Variants in CAAP1 observed in about 807,000 individuals in gnomAD.
CAAP1 encodes caspase activity and apoptosis inhibitor 1.
In CAAP1, 20 loss-of-function variants were observed where a neutral mutation model predicts 34.0. That is an observed-to-expected ratio of 0.59 (90% CI 0.41 to 0.86). The LOEUF (loss-of-function observed/expected upper bound fraction) is 0.86, where lower values mean the gene tolerates loss of function less well. CAAP1 is among the 40% of genes least tolerant of loss of function. The pLI is 0.00. For synonymous variants in CAAP1, 213 were observed against 166.7 expected, an observed-to-expected ratio of 1.28 and a Z score of -2.14; for missense variants, 538 against 450.5, an observed-to-expected ratio of 1.19 and a Z score of -1.76.
intron 4 of CAAP1, among the ~76,000 whole-genome samples, chr9:26,869,091 G>C (rs1823210572): frequency 6.6e-6 from 1 of 151,978 alleles, no homozygotes. Flanking sequence ...AAGCAAATGT[G>C]GAAAACTATA....
intron 5 of CAAP1, 52 bp downstream of exon 5, chr9:26,861,014 G>C: frequency 7.9e-7 from 1 of 1,270,228 alleles, no homozygotes; most frequent in Non-Finnish European, 1.1e-6. Context: ...TTGGTAAAAT[G>C]CTTCTATTCT....
intron 2 of CAAP1, 134 bp from the exon 3 acceptor site, chr9:26,886,322 A>G (rs943402424): frequency 1.9e-5 from 8 of 410,456 alleles, no homozygotes; most frequent in Middle Eastern, 6.5e-4. Context: ...GTAGATTCAC[A>G]TACATCTTTT....
intron 4 of CAAP1, among the ~76,000 whole-genome samples, chr9:26,866,190 T>C (rs986994295): frequency 3.1e-4 from 47 of 152,260 alleles, no homozygotes; most frequent in African/African-American, 7.7e-4. Context: ...TGTTTAAATG[T>C]CTAATAAGAG....
At chr9:26,874,441 CT>C (rs1157626544) in intron 4 of CAAP1, among the ~76,000 whole-genome samples, 2 of 152,006 alleles carry the variant, frequency 1.3e-5, no homozygotes, top group Admixed American at 6.6e-5. Context: ...TACAGTACCC[CT>C]ATTGTGCTAC....
At position 26,858,002 on chromosome 9, in the gene CAAP1, G is replaced by C. The variant is rs184943531; in HGVS notation, c.739+3064C>G. Among the ~76,000 whole-genome samples the C allele has an allele frequency of 4.6e-5, 7 of 152,180 alleles. No individual in the cohort carries two copies. The East Asian group carries it at 1.4e-3, about 29-fold the overall frequency. On this transcript the variant is annotated intron_variant, in intron 5 of 5. Coordinates refer to ENST00000333916, the MANE Select transcript of CAAP1 (RefSeq NM_024828.4). ...TAAATAACTTATATACCATTAATAG[G>C]TCACATGATATGATTTATTTTATTC...
chr9:26,884,681 T>C (rs1365462546), intron 4 of CAAP1, 129 bp downstream of exon 4: 3 of 735,402 alleles, frequency 4.1e-6, no homozygotes, highest in East Asian at 2.5e-5. Flanking sequence ...AGTAGACAAA[T>C]AAATCTTTCT....
At chr9:26,855,669 G>A (rs925792383) in intron 5 of CAAP1, among the ~76,000 whole-genome samples, 3 of 152,162 alleles carry the variant, frequency 2.0e-5, no homozygotes, top group Non-Finnish European at 4.4e-5. Context: ...AGCCAAAACT[G>A]CAAATTAAAT....
intron 5 of CAAP1, among the ~76,000 whole-genome samples, chr9:26,859,994 A>G (rs1259742333): frequency 6.6e-6 from 1 of 152,194 alleles, no homozygotes; most frequent in Non-Finnish European, 1.5e-5. Flanking sequence ...TTTTAAACAA[A>G]TTCTGCCTAA....
intron 1 of CAAP1, among the ~76,000 whole-genome samples, chr9:26,889,288 G>C (rs1373743831): frequency 2.0e-5 from 3 of 151,978 alleles, no homozygotes; most frequent in African/African-American, 7.3e-5. Flanking sequence ...TGTGGAGGCG[G>C]GTGCCTGTAA....
At position 26,855,324 on chromosome 9, in the gene CAAP1, G is replaced by C. The variant is rs548049394; in HGVS notation, c.739+5742C>G. On this transcript the variant is annotated intron_variant, in intron 5 of 5. Transcript: ENST00000333916. The stretch of plus-strand genomic sequence containing the variant: ...CGATCAGTGGTTGTCAGGAGTTGGG[G>C]GGGAGAGAGTGGGCAGGATAAATAG... 6.6e-5 allele frequency among the ~76,000 whole-genome samples: 10 copies of C among 152,274 alleles called. No homozygotes were observed. The South Asian group carries it at 1.9e-3, about 28-fold the overall frequency.
chr9:26,892,555 C>G lies in CAAP1; in HGVS notation c.161G>C (p.Cys54Ser), dbSNP rs1480569981. The stretch of plus-strand genomic sequence containing the variant: ...TCCACTAAAATTGGCGTTCCCACAG[C>G]AGCTGACGCTCCCGCAGCCCCCGGC... ...GSAGGCGSVS[C>S]CGNANFSGSV... The change falls in exon 1 of 6, where the codon TGC (cysteine) becomes TCC (serine). Residue 54 changes from cysteine (C) to serine (S), a missense_variant. Coordinates refer to ENST00000333916, the MANE Select transcript of CAAP1 (RefSeq NM_024828.4). 6.3e-7 allele frequency: 1 copy of G among 1,584,362 alleles called. No individual in the cohort carries two copies. The highest frequency in any genetic ancestry group is 8.6e-7 in the Non-Finnish European group (1 of 1,165,750).
At chr9:26,880,060 T>A (rs1250563756) in intron 4 of CAAP1, 1 of 172,570 alleles carries the variant, frequency 5.8e-6, no homozygotes, top group African/African-American at 2.8e-5. Flanking sequence ...GGCAAAAAAA[T>A]AAGCTCAAAA....
chr9:26,869,265 G>A (rs1221407529), intron 4 of CAAP1, among the ~76,000 whole-genome samples: 1 of 152,010 alleles, frequency 6.6e-6, no homozygotes, highest in Non-Finnish European at 1.5e-5. Flanking sequence ...GATAGAAAAT[G>A]TCACTTCCGT....
chr9:26,892,439 A>G lies in CAAP1; in HGVS notation c.277T>C (p.Ser93Pro), dbSNP rs772537916. The G allele has an allele frequency of 1.2e-6, 2 of 1,600,062 alleles. No homozygotes were observed. Among genetic ancestry groups the G allele is most frequent in the African/African-American group, 1.3e-5 (1 of 74,800 alleles). ...ERRKRRSTDSSSVSGSLQQET... is the reference protein window; with the variant it reads ...ERRKRRSTDSPSVSGSLQQET... The stretch of plus-strand genomic sequence containing the variant: ...TGCTGCAAGGAGCCCGAGACGCTGG[A>G]AGAGTCGGTACTCCTCCGCTTCCGG... The change falls in exon 1 of 6, where the codon TCC (serine) becomes CCC (proline). Residue 93 changes from serine to proline, a missense_variant. Around this residue, in one of 3 missense-constraint regions of CAAP1, gnomAD observed 514 missense variants for 408.4 expected, o/e 1.26. Transcript: ENST00000333916.
chr9:26,884,436 T>C (rs1157355018), intron 4 of CAAP1, among the ~76,000 whole-genome samples: 1 of 152,180 alleles, frequency 6.6e-6, no homozygotes, highest in Non-Finnish European at 1.5e-5. Flanking sequence ...ACATAGATTA[T>C]TGTAATGAGA....
intron 4 of CAAP1, among the ~76,000 whole-genome samples, chr9:26,875,535 ATTAT>A (rs1327599408): frequency 2.6e-5 from 4 of 152,238 alleles, no homozygotes; most frequent in Non-Finnish European, 5.9e-5. Flanking sequence ...CATATTTGAA[ATTAT>A]TTTTCTTCTT....
At chr9:26,887,003 C>T (rs1823758538) in intron 2 of CAAP1, among the ~76,000 whole-genome samples, 1 of 152,140 alleles carries the variant, frequency 6.6e-6, no homozygotes, top group Admixed American at 6.5e-5. Context: ...ATCACGAGGT[C>T]AGGAGTTCGA....
At chr9:26,858,649 C>T (rs1041136394) in intron 5 of CAAP1, among the ~76,000 whole-genome samples, 1 of 151,954 alleles carries the variant, frequency 6.6e-6, no homozygotes, top group South Asian at 2.1e-4. Flanking sequence ...GGTGAAACCC[C>T]GTCTCTACTA....
Position 26,861,059 on chromosome 9 carries a change from T to C in CAAP1, c.739+7A>G, listed in dbSNP as rs750432451. The C allele has an allele frequency of 1.9e-6, 3 of 1,588,910 alleles. No individual in the cohort carries two copies. ...TTTTATACAATAATCAAGTACTTGG[T>C]TCATACCTTGTTTTAATTCCAAACC... is the stretch of plus-strand genomic sequence containing the variant. On this transcript the variant is annotated splice_region_variant and intron_variant, in intron 5 of 5. Transcript: ENST00000333916.
Sources: gnomAD v4.1 joint callset for allele counts (sites outside exome capture counted in the v4.1 genomes callset) on GRCh38, gnomAD v4.1.1 for gene constraint, gnomAD v4.1.1 regional missense constraint, MANE v1.5 for transcripts, NCBI Gene and HGNC (gene_info 2026-07-23, HGNC 2026-07-21) for gene names.